The following CPNE5 variants were observed in gnomAD, a reference collection of about 807,000 sequenced individuals.
CPNE5 encodes the protein copine 5.
In CPNE5, 42 loss-of-function variants were observed where a neutral mutation model predicts 81.1. That is an observed-to-expected ratio of 0.52 (90% CI 0.40 to 0.67). The LOEUF (loss-of-function observed/expected upper bound fraction) is 0.67. Ranked by LOEUF, CPNE5 falls within the 30% of genes least tolerant of loss-of-function variation. The pLI is 0.00. For synonymous variants in CPNE5, 313 were observed against 321.5 expected, an observed-to-expected ratio of 0.97 and a Z score of 0.28; for missense variants, 612 against 815.5, an observed-to-expected ratio of 0.75 and a Z score of 3.04.
chr6:36,784,112 G>A lies in CPNE5; in HGVS notation c.529-5155C>T, dbSNP rs141502722. Among the ~76,000 whole-genome samples the A allele has an allele frequency of 2.4e-3, 365 of 152,286 alleles. 6 individuals carry two copies. The highest frequency in any genetic ancestry group is 8.4e-3 in the African/African-American group (350 of 41,560). ...GAAACTCAGCTAACTGGAAAAATCC[G>A]CCAGTGTGCAACACTTTCTCCCTCT... is the stretch of plus-strand genomic sequence containing the variant. On this transcript the variant is annotated intron_variant, in intron 8 of 20. Coordinates refer to ENST00000244751, the MANE Select transcript of CPNE5 (RefSeq NM_020939.2).
intron 3 of CPNE5, among the ~76,000 whole-genome samples, chr6:36,819,223 C>T (rs942708811): frequency 2.6e-4 from 40 of 152,350 alleles, no homozygotes; most frequent in African/African-American, 9.6e-4. Flanking sequence ...CTGCCTCAGC[C>T]TCCCAAGTAG....
At chr6:36,756,868 T>C (rs575933387) in intron 12 of CPNE5, among the ~76,000 whole-genome samples, 1 of 152,304 alleles carries the variant, frequency 6.6e-6, no homozygotes, top group East Asian at 1.9e-4. Context: ...AGATAAATCA[T>C]GGGGCTAGGC....
chr6:36,787,200 C>T (rs1316552067), intron 8 of CPNE5, among the ~76,000 whole-genome samples: 1 of 152,198 alleles, frequency 6.6e-6, no homozygotes, highest in Non-Finnish European at 1.5e-5. Context: ...GCTCTTCCTT[C>T]TTCCCTCATC....
At chr6:36,787,175 C>T (rs1768637140) in intron 8 of CPNE5, among the ~76,000 whole-genome samples, 2 of 152,234 alleles carry the variant, frequency 1.3e-5, no homozygotes, top group Admixed American at 6.5e-5. Context: ...TCCTTCTCAT[C>T]TCTCTTTCTC....
In CPNE5 at chr6:36,782,816, A is replaced by AACACACACACAC. The variant is rs3997726; in HGVS notation, c.529-3871_529-3860dup. The stretch of plus-strand genomic sequence containing the variant: ...TCTCAAATAATAAAACAAAAACCAA[A>AACACACACACAC]ACACACACACACACACACACACACA... On this transcript the variant is annotated intron_variant, in intron 8 of 20. Coordinates refer to ENST00000244751, the MANE Select transcript of CPNE5 (RefSeq NM_020939.2). Among the ~76,000 whole-genome samples the AACACACACACAC allele has an allele frequency of 9.5e-4, 120 of 126,310 alleles. 1 individual carries two copies. Among genetic ancestry groups the AACACACACACAC allele is most frequent in the African/African-American group, 2.0e-3 (63 of 31,538 alleles). The allele number at this position is 126,310 out of a possible 152,430, so 82.9% of individuals were successfully genotyped here. A position where few individuals can be genotyped will look rare whatever the true frequency, so the allele number is the denominator to read the frequency against.
chr6:36,826,078 C>G (rs236369), intron 1 of CPNE5, among the ~76,000 whole-genome samples: 3,389 of 152,230 alleles, frequency 0.022, 135 homozygotes, highest in African/African-American at 0.074. Context: ...GAACTCGGAT[C>G]TGGTCATATC....
chr6:36,834,372 T>C (rs529783787), intron 1 of CPNE5, among the ~76,000 whole-genome samples: 11 of 144,542 alleles, frequency 7.6e-5, no homozygotes, highest in African/African-American at 2.9e-4. Context: ...TAAAAACAGA[T>C]GGGCTGGGTG....
chr6:36,752,861 G>A (rs377478476), intron 14 of CPNE5, among the ~76,000 whole-genome samples, 173 bp downstream of exon 14: 2 of 152,212 alleles, frequency 1.3e-5, no homozygotes, highest in African/African-American at 4.8e-5. Flanking sequence ...GGGATGTGCA[G>A]GGCTCTGGAT....
intron 12 of CPNE5, among the ~76,000 whole-genome samples, chr6:36,760,275 A>G (rs1264671038): frequency 6.6e-6 from 1 of 151,484 alleles, no homozygotes; most frequent in African/African-American, 2.4e-5. Flanking sequence ...GGGAAACAGC[A>G]TCCCAAATGA....
chr6:36,743,788 C>T (rs370414504), intron 19 of CPNE5, 26 bp from the exon 20 acceptor site: 92 of 1,598,992 alleles, frequency 5.8e-5, no homozygotes, highest in Middle Eastern at 1.7e-4. Context: ...TGTCATGGGG[C>T]GGGGTGAGAT....
chr6:36,779,693 C>A (rs1767851656), intron 8 of CPNE5, among the ~76,000 whole-genome samples: 1 of 152,252 alleles, frequency 6.6e-6, no homozygotes, highest in African/African-American at 2.4e-5. Context: ...CCCAGCCCTG[C>A]TCCCTGCCCC....
At chr6:36,758,634 G>A (rs1263694265) in intron 12 of CPNE5, among the ~76,000 whole-genome samples, 1 of 152,176 alleles carries the variant, frequency 6.6e-6, no homozygotes, top group Admixed American at 6.5e-5. Flanking sequence ...TGGGGGTATT[G>A]GGACAGGTGC....
rs191005267 is a variant in CPNE5, at chr6:36,801,947, G to A, written c.184-1877C>T. ...AAAAATGGTTATGATGCGGCTGGGCGCGGTGGCTGACGCCTGTAATCCCAG... is the reference window on the plus strand; with the variant it reads ...AAAAATGGTTATGATGCGGCTGGGCACGGTGGCTGACGCCTGTAATCCCAG... On this transcript the variant is annotated intron_variant, in intron 3 of 20. Transcript: ENST00000244751. Among the ~76,000 whole-genome samples, 1,328 of 152,244 alleles carry A rather than the reference G, an allele frequency of 8.7e-3. 22 individuals are homozygous for A. The highest frequency in any genetic ancestry group is 0.028 in the African/African-American group (1,176 of 41,536).
At chr6:36,819,004 A>C (rs1771805779) in intron 3 of CPNE5, among the ~76,000 whole-genome samples, 1 of 152,226 alleles carries the variant, frequency 6.6e-6, no homozygotes, top group Admixed American at 6.5e-5. Flanking sequence ...TTTCCCTAGC[A>C]ATCTGGTTTA....
At chr6:36,768,225 C>CTTTTTTTCTTTTTTCTTTTTTTTTT (rs527797208) in intron 10 of CPNE5, among the ~76,000 whole-genome samples, 1 of 60,514 alleles carries the variant, frequency 1.7e-5, no homozygotes, top group Admixed American at 2.3e-4. Context: ...ATTCACAGTT[C>CTTTTTTTCTTTTTTCTTTTTTTTTT]TTTTTTTTTT....
chr6:36,830,427 G>A (rs1366236070), intron 1 of CPNE5, among the ~76,000 whole-genome samples: 3 of 152,252 alleles, frequency 2.0e-5, no homozygotes, highest in African/African-American at 7.2e-5. Flanking sequence ...GCGGGAGCTG[G>A]GAGGAGAGAA....
At chr6:36,754,153 C>T (rs1765141027) in intron 13 of CPNE5, 1 of 152,134 alleles carries the variant, frequency 6.6e-6, no homozygotes. Context: ...CTTAGATCAT[C>T]CTGCAGCCCA....
intron 3 of CPNE5, among the ~76,000 whole-genome samples, chr6:36,808,025 A>G (rs1770751339): frequency 6.6e-6 from 1 of 152,086 alleles, no homozygotes; most frequent in African/African-American, 2.4e-5. Context: ...CTGATCATGG[A>G]CTAGGATGTG....
intron 7 of CPNE5, 91 bp downstream of exon 7, chr6:36,794,499 G>C (rs547685700): frequency 1.8e-5 from 22 of 1,222,598 alleles, no homozygotes; most frequent in Middle Eastern, 4.3e-4. Context: ...GCAGTGATGG[G>C]AGCAGGGACG....
Sources: allele counts gnomAD v4.1 joint callset (sites outside exome capture counted in the v4.1 genomes callset), GRCh38; gene constraint gnomAD v4.1.1; transcripts MANE v1.5; gene names NCBI Gene and HGNC (gene_info 2026-07-23, HGNC 2026-07-21).